Variants in ATP10A observed in about 807,000 individuals in gnomAD.
ATP10A encodes the protein ATPase phospholipid transporting 10A (putative), also known as phospholipid-transporting ATPase VA.
Under a neutral mutation model 147.8 loss-of-function variants are expected in ATP10A, and 111 were observed. That is an observed-to-expected ratio of 0.75 (90% CI 0.64 to 0.88). The LOEUF (loss-of-function observed/expected upper bound fraction) is 0.88. Ranked by LOEUF, ATP10A falls within the 40% of genes least tolerant of loss-of-function variation. The pLI is 0.00. For missense variants in ATP10A, 1,927 were observed against 1,959.0 expected, an observed-to-expected ratio of 0.98 and a Z score of 0.31; for synonymous variants, 875 against 841.6, an observed-to-expected ratio of 1.04 and a Z score of -0.69.
At chr15:25,694,530 C>T (rs1375179771) in intron 14 of ATP10A, among the ~76,000 whole-genome samples, 2 of 152,190 alleles carry the variant, frequency 1.3e-5, no homozygotes, top group African/African-American at 4.8e-5. Context: ...AGGCAGGTCT[C>T]TTGTGTGCTG....
chr15:25,727,187 C>T lies in ATP10A; in HGVS notation c.820G>A (p.Ala274Thr), dbSNP rs774909568. ...LRGCTLRNTD[A>T]VVGIVIYAGH... ...GCGTAGATGACAATGCCGACGACTG[C>T]GTCCGTGTTCCTAAGGGTGCAGCCC... Residue 274 changes from alanine (A) to threonine (T), a missense_variant, in exon 4 of 21, where the codon GCA (alanine) becomes ACA (threonine). Coordinates refer to ENST00000555815, the MANE Select transcript of ATP10A (RefSeq NM_024490.4). 29 of 1,613,354 alleles carry T rather than the reference C, an allele frequency of 1.8e-5. No individual in the cohort carries two copies. Among genetic ancestry groups the T allele is most frequent in the African/African-American group, 4.0e-5 (3 of 74,878 alleles).
intron 1 of ATP10A, among the ~76,000 whole-genome samples, chr15:25,826,986 T>C (rs985259300): frequency 6.6e-6 from 1 of 152,064 alleles, no homozygotes; most frequent in Non-Finnish European, 1.5e-5. Flanking sequence ...CATTCGGTAA[T>C]GAACAGAAAG....
intron 1 of ATP10A, among the ~76,000 whole-genome samples, chr15:25,857,024 A>G (rs1893548502): frequency 6.6e-6 from 1 of 152,240 alleles, no homozygotes; most frequent in Non-Finnish European, 1.5e-5. Flanking sequence ...AAAGTGACTT[A>G]AAAGATTTAT....
chr15:25,687,578 AAGGAGGATGGAGCAGG>A, intron 16 of ATP10A, 109 bp downstream of exon 16: 1 of 616,126 alleles, frequency 1.6e-6, no homozygotes, highest in Non-Finnish European at 2.1e-6. Flanking sequence ...TACACAGGCG[AAGGAGGATGGAGCAGG>A]TTGTCCATGG....
intron 1 of ATP10A, among the ~76,000 whole-genome samples, chr15:25,838,845 C>T (rs1213366622): frequency 2.6e-5 from 4 of 152,116 alleles, no homozygotes; most frequent in Non-Finnish European, 4.4e-5. Context: ...TTATGGTGAG[C>T]GAGCAGTGTG....
intron 1 of ATP10A, among the ~76,000 whole-genome samples, chr15:25,784,341 G>A (rs1204662743): frequency 6.6e-6 from 1 of 152,202 alleles, no homozygotes; most frequent in Non-Finnish European, 1.5e-5. Context: ...GCAAGGCACT[G>A]TCTCTGTTCA....
chr15:25,672,984 G>A (rs909317410), downstream of ATP10A, among the ~76,000 whole-genome samples: 5 of 152,074 alleles, frequency 3.3e-5, no homozygotes, highest in South Asian at 2.1e-4. Context: ...ATGTGTGCAC[G>A]GCCACATCCC....
intron 9 of ATP10A, among the ~76,000 whole-genome samples, chr15:25,715,129 T>C (rs1177371802): frequency 6.6e-6 from 1 of 152,216 alleles, no homozygotes; most frequent in Non-Finnish European, 1.5e-5. Flanking sequence ...ACTGCAATTT[T>C]ACCATTGCAT....
At chr15:25,738,058 T>C (rs971987666) in intron 2 of ATP10A, among the ~76,000 whole-genome samples, 3 of 152,228 alleles carry the variant, frequency 2.0e-5, no homozygotes, top group African/African-American at 7.2e-5. Context: ...GAGTTTCTCA[T>C]TTAAAAAGCA....
At chr15:25,697,941 C>T (rs1365270658) in intron 13 of ATP10A, among the ~76,000 whole-genome samples, 1 of 152,126 alleles carries the variant, frequency 6.6e-6, no homozygotes, top group Admixed American at 6.5e-5. Context: ...AGACAAATCC[C>T]AATATAAGGG....
At chr15:25,685,905 G>A (rs1020182078) in intron 16 of ATP10A, among the ~76,000 whole-genome samples, 5 of 151,962 alleles carry the variant, frequency 3.3e-5, no homozygotes, top group African/African-American at 7.3e-5. Flanking sequence ...AAGGGGGCTT[G>A]GATTCTTCCC....
At chr15:25,813,958 G>C (rs960244623) in intron 1 of ATP10A, among the ~76,000 whole-genome samples, 6 of 151,954 alleles carry the variant, frequency 3.9e-5, no homozygotes, top group African/African-American at 1.5e-4. Context: ...GTGGGAAACA[G>C]AGAAACATGC....
rs781713115 is a variant in ATP10A, at chr15:25,679,656, G to A, written c.4185C>T (p.Ser1395=). The A allele has an allele frequency of 3.7e-6, 6 of 1,613,374 alleles. No homozygotes were observed. The highest frequency in any genetic ancestry group is 1.7e-4 in the Middle Eastern group (1 of 6,056). ...TCAGGACAGCCTCCCCTGGCGCAGA[G>A]GACATGGGGGCCGGTGCGCTCAGCC... is the stretch of plus-strand genomic sequence containing the variant. The part of the protein sequence containing the change: ...LEGLSAPAPM[S]SAPGEAVLRS... Residue 1395 remains serine, a synonymous_variant, in exon 21 of 21, where the codon TCC becomes TCT. Coordinates refer to ENST00000555815, the MANE Select transcript of ATP10A (RefSeq NM_024490.4).
intron 1 of ATP10A, among the ~76,000 whole-genome samples, chr15:25,835,941 G>A (rs1892573838): frequency 6.6e-6 from 1 of 152,212 alleles, no homozygotes; most frequent in Non-Finnish European, 1.5e-5. Flanking sequence ...AGCCTCCCGA[G>A]TAGCTGGGAC....
At chr15:25,757,903 C>T (rs1479163407) in intron 2 of ATP10A, among the ~76,000 whole-genome samples, 3 of 47,322 alleles carry the variant, frequency 6.3e-5, no homozygotes, top group African/African-American at 2.2e-4. Context: ...ATTCCTATCA[C>T]CTGCTCCACC....
intron 1 of ATP10A, among the ~76,000 whole-genome samples, chr15:25,818,655 C>G (rs1267471393): frequency 6.6e-6 from 1 of 152,044 alleles, no homozygotes; most frequent in African/African-American, 2.4e-5. Flanking sequence ...CAAAACAGTC[C>G]TAAGCAAAAA....
intron 2 of ATP10A, among the ~76,000 whole-genome samples, chr15:25,764,437 G>T (rs1428651976): frequency 6.6e-6 from 1 of 152,158 alleles, no homozygotes; most frequent in Non-Finnish European, 1.5e-5. Context: ...TCCTTGGGAG[G>T]TGATTAGGGC....
intron 1 of ATP10A, among the ~76,000 whole-genome samples, chr15:25,813,325 G>A (rs552376432): frequency 6.6e-5 from 10 of 152,278 alleles, no homozygotes; most frequent in African/African-American, 1.9e-4. Context: ...AAAATGCCTG[G>A]ATTAAAGGCT....
chr15:25,855,921 T>A (rs1434641520), intron 1 of ATP10A, among the ~76,000 whole-genome samples: 1 of 152,192 alleles, frequency 6.6e-6, no homozygotes, highest in African/African-American at 2.4e-5. Context: ...ACTGTTTAGA[T>A]CTAAATAAAG....
Sources: allele counts gnomAD v4.1 joint callset (sites outside exome capture counted in the v4.1 genomes callset), GRCh38; gene constraint gnomAD v4.1.1; transcripts MANE v1.5; gene names NCBI Gene and HGNC (gene_info 2026-07-23, HGNC 2026-07-21).